The following CHODL variants were observed in gnomAD, a reference collection of about 807,000 sequenced individuals.
The protein encoded by CHODL is transmembrane protein MT75.
A neutral mutation model predicts 34.5 loss-of-function variants in CHODL; 29 were observed. The ratio of observed to expected loss-of-function variants is 0.84; its 90% CI spans 0.63 to 1.15. The LOEUF is 1.15. Among genes scored for constraint, CHODL ranks in the 50% most tolerant of loss-of-function variants. CHODL has a pLI of 0.00. For synonymous variants in CHODL, 125 were observed against 116.1 expected, an observed-to-expected ratio of 1.08 and a Z score of -0.49; for missense variants, 332 against 332.5, an observed-to-expected ratio of 1.00 and a Z score of 0.01.
chr21:18,249,043 TTA>T lies in CHODL; in HGVS notation c.79+3749_79+3750del, dbSNP rs536869812. Among the ~76,000 whole-genome samples, 312 of 117,850 alleles carry T rather than the reference TTA, an allele frequency of 2.6e-3. 1 individual carries two copies. The highest frequency in any genetic ancestry group is 9.7e-3 in the African/African-American group (271 of 27,942). 77.3% of individuals were successfully genotyped at this position (117,850 alleles called of 152,430 possible). On this transcript the variant is annotated intron_variant, in intron 1 of 5. Transcript: ENST00000299295. ...ATACATAATATTAATATATATAATA[TTA>T]TATATATTATATATAATTTACTATA...
chr21:18,034,297 A>C (rs2064283230), intron 2 of CHODL, among the ~76,000 whole-genome samples: 1 of 152,042 alleles, frequency 6.6e-6, no homozygotes, highest in Non-Finnish European at 1.5e-5. Flanking sequence ...TTCTCTGTGC[A>C]CCAGGTGACC....
chr21:17,944,098 T>TAGCC (rs34412213), intron 1 of CHODL, among the ~76,000 whole-genome samples: 68,881 of 151,480 alleles, frequency 0.45, 16,255 homozygotes, highest in East Asian at 0.61. Flanking sequence ...TTATTCTTCC[T>TAGCC]AGCTTAAGAA....
rs556370384 is a variant in CHODL at position 17,942,844 on chromosome 21, G to T, written c.-145+25444G>T. 8.1e-4 allele frequency among the ~76,000 whole-genome samples: 124 copies of T among 152,242 alleles called. 1 individual carries two copies. Among genetic ancestry groups the T allele is most frequent in the African/African-American group, 2.9e-3 (121 of 41,552 alleles). On this transcript the variant is annotated intron_variant, in intron 1 of 6. Transcript: ENST00000400127. ...TTCCCAGTGTTAGAGGAGGGACCCGGTAGAAGGTGATTGGATCATGGGGGT... is the reference window on the plus strand; with the variant it reads ...TTCCCAGTGTTAGAGGAGGGACCCGTTAGAAGGTGATTGGATCATGGGGGT...
intron 2 of CHODL, among the ~76,000 whole-genome samples, chr21:18,063,985 TCC>T (rs2064700723): frequency 6.6e-6 from 1 of 152,200 alleles, no homozygotes; most frequent in African/African-American, 2.4e-5. Flanking sequence ...TGTCCCTGTT[TCC>T]TAACCAAACT....
chr21:17,927,424 G>A (rs1600973280), intron 1 of CHODL, among the ~76,000 whole-genome samples: 2 of 152,208 alleles, frequency 1.3e-5, no homozygotes, highest in South Asian at 4.1e-4. Context: ...CTTATATTTA[G>A]AAGGTGGTCA....
chr21:18,037,839 A>C (rs1360358566), intron 2 of CHODL, among the ~76,000 whole-genome samples: 1 of 151,822 alleles, frequency 6.6e-6, no homozygotes, highest in African/African-American at 2.4e-5. Flanking sequence ...CTTTAAAAAA[A>C]ATCAGCATAC....
At chr21:18,072,843 T>C (rs1355461834) in intron 2 of CHODL, among the ~76,000 whole-genome samples, 1 of 152,126 alleles carries the variant, frequency 6.6e-6, no homozygotes, top group South Asian at 2.1e-4. Context: ...ATAAAAAAGT[T>C]TTCTTTTTTC....
intron 1 of CHODL, among the ~76,000 whole-genome samples, chr21:17,950,027 A>G (rs1436556373): frequency 6.6e-6 from 1 of 152,214 alleles, no homozygotes; most frequent in East Asian, 1.9e-4. Flanking sequence ...TAGATTTTGT[A>G]AAAGAATGAT....
intron 1 of CHODL, among the ~76,000 whole-genome samples, chr21:18,012,638 G>A (rs1260671833): frequency 2.0e-5 from 3 of 152,164 alleles, no homozygotes; most frequent in Non-Finnish European, 4.4e-5. Flanking sequence ...GTTCTATTAA[G>A]TTTCAGGTCT....
Position 18,215,327 on chromosome 21 carries a change from G to A in CHODL, c.-44-41182G>A, listed in dbSNP as rs149568336. ...TACAAACTTCCACCTCAGGAGATAG[G>A]CAATTGATCTTCTCCAGCATGAAAG... On this transcript the variant is annotated intron_variant, in intron 2 of 6. Transcript: ENST00000400127. Among the ~76,000 whole-genome samples the A allele has an allele frequency of 9.4e-3, 1,425 of 152,224 alleles. 23 individuals are homozygous for A. Among genetic ancestry groups the A allele is most frequent in the South Asian group, 0.076 (366 of 4,824 alleles).
chr21:18,170,924 CTCTT>C (rs1401817808), intron 2 of CHODL, among the ~76,000 whole-genome samples: 8 of 151,910 alleles, frequency 5.3e-5, no homozygotes, highest in Admixed American at 1.3e-4. Flanking sequence ...TAGCTTGACA[CTCTT>C]TCTTTAGTGT....
intron 2 of CHODL, among the ~76,000 whole-genome samples, chr21:18,060,928 G>A (rs1290126127): frequency 6.6e-6 from 1 of 152,140 alleles, no homozygotes; most frequent in South Asian, 2.1e-4. Flanking sequence ...CCATAAATGA[G>A]TGTCATAGGG....
At chr21:17,954,133 A>T (rs1218674330) in intron 1 of CHODL, among the ~76,000 whole-genome samples, 1 of 152,250 alleles carries the variant, frequency 6.6e-6, no homozygotes, top group African/African-American at 2.4e-5. Context: ...TGTGGCCATA[A>T]TATCAGAAAA....
At chr21:18,087,215 A>G (rs1045488683) in intron 2 of CHODL, among the ~76,000 whole-genome samples, 3 of 152,176 alleles carry the variant, frequency 2.0e-5, no homozygotes, top group African/African-American at 7.2e-5. Flanking sequence ...AGCCTGGGTA[A>G]GAAGCTGTAT....
chr21:17,966,910 G>A (rs2063576113), intron 1 of CHODL, among the ~76,000 whole-genome samples: 1 of 148,662 alleles, frequency 6.7e-6, no homozygotes, highest in Admixed American at 6.8e-5. Flanking sequence ...TTTTTGAGAC[G>A]AGTCTTGCTC....
At chr21:18,217,762 A>G (rs1017156388) in intron 2 of CHODL, among the ~76,000 whole-genome samples, 8 of 152,284 alleles carry the variant, frequency 5.3e-5, no homozygotes, top group Middle Eastern at 6.8e-3. Flanking sequence ...TGAGCCTGCA[A>G]GTTAGTTACT....
At chr21:17,962,055 T>C (rs569621468) in intron 1 of CHODL, among the ~76,000 whole-genome samples, 2 of 152,200 alleles carry the variant, frequency 1.3e-5, no homozygotes, top group Non-Finnish European at 2.9e-5. Flanking sequence ...ACTACACCAG[T>C]AAAATTCAAG....
At chr21:18,264,004 A>G (rs1408277912) in intron 5 of CHODL, among the ~76,000 whole-genome samples, 3 of 150,732 alleles carry the variant, frequency 2.0e-5, no homozygotes, top group Admixed American at 6.6e-5. Context: ...AGTTGTGCTG[A>G]TCTTACTTAT....
intron 1 of CHODL, among the ~76,000 whole-genome samples, chr21:18,001,642 T>C (rs1362324962): frequency 6.6e-6 from 1 of 152,216 alleles, no homozygotes; most frequent in Non-Finnish European, 1.5e-5. Flanking sequence ...CGTGAGTTTT[T>C]TTAAAAAGCC....
Sources: allele counts gnomAD v4.1 joint callset (sites outside exome capture counted in the v4.1 genomes callset), GRCh38; gene constraint gnomAD v4.1.1; transcripts MANE v1.5; gene names NCBI Gene and HGNC (gene_info 2026-07-23, HGNC 2026-07-21).